STAG1: variants seen among roughly 807,000 people sequenced by gnomAD.
STAG1 encodes the protein STAG1 cohesin complex component, also known as cohesin subunit SA-1.
Under a neutral mutation model 170.9 loss-of-function variants are expected in STAG1, and 26 were observed. That is an observed-to-expected ratio of 0.15 (90% CI 0.11 to 0.21). STAG1 has a LOEUF of 0.21. STAG1 is among the 10% of genes least tolerant of loss of function. STAG1 has a pLI of 1.00. For synonymous variants in STAG1, 514 were observed against 497.7 expected (o/e 1.03, Z -0.44); for missense variants, 964 against 1,509.5 (o/e 0.64, Z 5.99).
At chr3:136,367,740 A>G (rs112130536) in intron 24 of STAG1, among the ~76,000 whole-genome samples, 7 of 152,250 alleles carry the variant, frequency 4.6e-5, no homozygotes, top group African/African-American at 1.4e-4. Flanking sequence ...ACATGGTTAC[A>G]TTATCAACTG....
intron 4 of STAG1, among the ~76,000 whole-genome samples, chr3:136,592,509 G>A (rs1938234513): frequency 6.6e-6 from 1 of 152,124 alleles, no homozygotes; most frequent in African/African-American, 2.4e-5. Context: ...CCAGTCTCAG[G>A]TATTTCCTGA....
At chr3:136,616,606 T>C (rs1939608391) in intron 3 of STAG1, among the ~76,000 whole-genome samples, 1 of 152,020 alleles carries the variant, frequency 6.6e-6, no homozygotes, top group South Asian at 2.1e-4. Context: ...ATAGAAAAAG[T>C]AGTACAGAAA....
At chr3:136,386,299 A>AT (rs1404110624) in intron 22 of STAG1, among the ~76,000 whole-genome samples, 1 of 152,166 alleles carries the variant, frequency 6.6e-6, no homozygotes, top group Non-Finnish European at 1.5e-5. Flanking sequence ...AGATCGTGCC[A>AT]TTGCACTCCA....
At chr3:136,719,501 T>C (rs943172601) in intron 1 of STAG1, among the ~76,000 whole-genome samples, 2 of 151,792 alleles carry the variant, frequency 1.3e-5, no homozygotes, top group African/African-American at 4.8e-5. Context: ...TTTTATGTTA[T>C]GTAAATTATA....
intron 1 of STAG1, among the ~76,000 whole-genome samples, chr3:136,750,066 T>A (rs577675220): frequency 6.6e-6 from 1 of 152,084 alleles, no homozygotes; most frequent in Non-Finnish European, 1.5e-5. Context: ...AGAGTCAGAA[T>A]CAAGGAAAAA....
chr3:136,673,146 G>C (rs1294847116), intron 1 of STAG1, among the ~76,000 whole-genome samples: 1 of 152,178 alleles, frequency 6.6e-6, no homozygotes, highest in Non-Finnish European at 1.5e-5. Context: ...CAAAGAAATA[G>C]GGTAAACCTG....
chr3:136,572,055 A>T (rs1937281280), intron 4 of STAG1, among the ~76,000 whole-genome samples: 1 of 151,942 alleles, frequency 6.6e-6, no homozygotes. Flanking sequence ...AAGAAAAAGA[A>T]AAAACAAAAA....
intron 4 of STAG1, among the ~76,000 whole-genome samples, chr3:136,596,604 A>C (rs974930282): frequency 2.0e-5 from 3 of 152,228 alleles, no homozygotes; most frequent in Non-Finnish European, 2.9e-5. Flanking sequence ...TTCAGAAAGT[A>C]ATCAATATAA....
intron 1 of STAG1, among the ~76,000 whole-genome samples, chr3:136,743,855 G>A (rs181526808): frequency 3.9e-5 from 6 of 152,160 alleles, no homozygotes; most frequent in African/African-American, 1.4e-4. Flanking sequence ...AAATACAAAA[G>A]GGATACATAA....
At chr3:136,506,197 G>A (rs2107873815) in intron 7 of STAG1, among the ~76,000 whole-genome samples, 1 of 152,282 alleles carries the variant, frequency 6.6e-6, no homozygotes, top group African/African-American at 2.4e-5. Flanking sequence ...GGAGCAGTGA[G>A]GCAGAGCTGA....
chr3:136,391,368 CTTTTTTT>C (rs5852844), intron 22 of STAG1, among the ~76,000 whole-genome samples: 2 of 124,560 alleles, frequency 1.6e-5, no homozygotes, highest in Admixed American at 8.7e-5. Flanking sequence ...CTTTAGCCCT[CTTTTTTT>C]TTTTTTTTTT....
intron 1 of STAG1, among the ~76,000 whole-genome samples, chr3:136,667,187 G>T (rs1285553699): frequency 6.6e-6 from 1 of 152,058 alleles, no homozygotes; most frequent in African/African-American, 2.4e-5. Flanking sequence ...AAAAATGGAG[G>T]AGAAAAGGTA....
At chr3:136,715,386 C>A (rs1367824012) in intron 1 of STAG1, among the ~76,000 whole-genome samples, 1 of 151,668 alleles carries the variant, frequency 6.6e-6, no homozygotes, top group Non-Finnish European at 1.5e-5. Context: ...TTTGGGAGGC[C>A]AAGGCAGGCG....
chr3:136,536,549 A>G (rs1317394034), intron 6 of STAG1, among the ~76,000 whole-genome samples: 3 of 151,874 alleles, frequency 2.0e-5, no homozygotes, highest in Non-Finnish European at 2.9e-5. Flanking sequence ...AAAAATACAA[A>G]AATAAGCCAG....
intron 28 of STAG1, among the ~76,000 whole-genome samples, chr3:136,353,182 A>AT (rs1936502418): frequency 6.6e-6 from 1 of 152,200 alleles, no homozygotes; most frequent in Non-Finnish European, 1.5e-5. Flanking sequence ...AGAGAGAAAA[A>AT]AGAATAAAGA....
intron 1 of STAG1, among the ~76,000 whole-genome samples, chr3:136,744,285 C>A (rs1934823703): frequency 6.6e-6 from 1 of 152,204 alleles, no homozygotes. Flanking sequence ...CGAGATTGCA[C>A]CATTGCACTC....
chr3:136,452,155 T>A lies in STAG1; in HGVS notation c.1314-8A>T. The A allele has an allele frequency of 6.3e-7, 1 of 1,582,542 alleles. No homozygotes were observed. The highest frequency in any genetic ancestry group is 1.1e-5 in the South Asian group (1 of 89,358). The stretch of plus-strand genomic sequence containing the variant: ...TCATGTCTGCTAAATAGCCTGGAAA[T>A]GAAAAACAGGGCATTGCAAAGTTAC... On this transcript the variant is annotated splice_region_variant and splice_polypyrimidine_tract_variant and intron_variant, in intron 13 of 33. Coordinates refer to ENST00000383202, the MANE Select transcript of STAG1 (RefSeq NM_005862.3).
chr3:136,740,092 A>C (rs974392085), intron 1 of STAG1, among the ~76,000 whole-genome samples: 1 of 151,942 alleles, frequency 6.6e-6, no homozygotes, highest in Admixed American at 6.6e-5. Context: ...TCTAAATAAC[A>C]GTTTAAAGAA....
At chr3:136,497,850 T>C (rs1158530954) in intron 9 of STAG1, among the ~76,000 whole-genome samples, 68 of 134,714 alleles carry the variant, frequency 5.0e-4, no homozygotes, top group Non-Finnish European at 3.2e-4. Flanking sequence ...GCGAGACTCA[T>C]CTCAAAAAAA....
Sources: allele counts gnomAD v4.1 joint callset (sites outside exome capture counted in the v4.1 genomes callset), GRCh38; gene constraint gnomAD v4.1.1; transcripts MANE v1.5; gene names NCBI Gene and HGNC (gene_info 2026-07-23, HGNC 2026-07-21).